The following C12orf56 variants were observed in gnomAD, a reference collection of about 807,000 sequenced individuals.
C12orf56 encodes chromosome 12 open reading frame 56.
In C12orf56, 71 loss-of-function variants were observed where a neutral mutation model predicts 69.9. The ratio of observed to expected loss-of-function variants is 1.02; its 90% CI spans 0.84 to 1.24. C12orf56 has a LOEUF of 1.24. Among genes scored for constraint, C12orf56 ranks in the 50% most tolerant of loss-of-function variants. The probability of loss-of-function intolerance (pLI) is 0.00; values close to 1 mark genes in which losing one functional copy is unlikely to be tolerated. For synonymous variants in C12orf56, 276 were observed against 274.1 expected (o/e 1.01, Z -0.07); for missense variants, 732 against 738.5 (o/e 0.99, Z 0.10).
intron 1 of C12orf56, among the ~76,000 whole-genome samples, chr12:64,372,886 T>G (rs543650209): frequency 1.3e-5 from 2 of 152,278 alleles, no homozygotes; most frequent in South Asian, 2.1e-4. Flanking sequence ...TTTTCCCTCC[T>G]TTTGGAACAC....
At chr12:64,273,044 T>C (rs1172804806) in intron 11 of C12orf56, among the ~76,000 whole-genome samples, 1 of 152,096 alleles carries the variant, frequency 6.6e-6, no homozygotes, top group Non-Finnish European at 1.5e-5. Context: ...ATGCCTGTAA[T>C]AGCAATTTGG....
chr12:64,309,655 C>T (rs1001722443), intron 5 of C12orf56, among the ~76,000 whole-genome samples: 1 of 152,120 alleles, frequency 6.6e-6, no homozygotes, highest in Non-Finnish European at 1.5e-5. Flanking sequence ...GGATTACAGG[C>T]ATGTGCCACC....
chr12:64,375,923 C>A (rs774242341), intron 1 of C12orf56, among the ~76,000 whole-genome samples: 1 of 152,148 alleles, frequency 6.6e-6, no homozygotes, highest in Non-Finnish European at 1.5e-5. Flanking sequence ...AGCTCCAAAG[C>A]ATTTCCCAAA....
chr12:64,311,622 G>A (rs548100303), intron 5 of C12orf56, among the ~76,000 whole-genome samples: 2 of 152,270 alleles, frequency 1.3e-5, no homozygotes, highest in East Asian at 3.9e-4. Context: ...GGCCCCAGAG[G>A]GAAGAGAACA....
In C12orf56 at chr12:64,362,927, TAGC is replaced by T. The variant is rs568522794; in HGVS notation, c.253-9874_253-9872del. Among the ~76,000 whole-genome samples, 359 of 152,270 alleles carry T rather than the reference TAGC, an allele frequency of 2.4e-3. 2 individuals are homozygous for T. Among genetic ancestry groups the T allele is most frequent in the African/African-American group, 7.9e-3 (330 of 41,558 alleles). ...AAACTGACATGTCACTGGTGGAGTG[TAGC>T]AGTGAGGACAACCAGAGGTCACCTC... On this transcript the variant is annotated intron_variant, in intron 1 of 12. Transcript: ENST00000543942.
intron 1 of C12orf56, among the ~76,000 whole-genome samples, chr12:64,372,478 T>G (rs1365064076): frequency 6.6e-6 from 1 of 152,188 alleles, no homozygotes; most frequent in Admixed American, 6.6e-5. Context: ...TGGTTTGAAT[T>G]TAATGATCTT....
Position 64,267,092 on chromosome 12 carries a change from T to G in C12orf56, c.*91A>C. Reference sequence around the variant, plus strand: ...ATAGGACTCAGAGATAGCCAGATATTAAACAAATAAAAAAATGTTTCTCGT... The same window carrying G: ...ATAGGACTCAGAGATAGCCAGATATGAAACAAATAAAAAAATGTTTCTCGT... On this transcript the variant is annotated 3_prime_UTR_variant, in exon 13 of 13. Transcript: ENST00000543942. The G allele has an allele frequency of 1.0e-6, 1 of 955,912 alleles. No homozygotes were observed. The highest frequency in any genetic ancestry group is 1.5e-6 in the Non-Finnish European group (1 of 645,370). 59.2% of individuals were successfully genotyped at this position (955,912 alleles called of 1,614,324 possible).
intron 1 of C12orf56, among the ~76,000 whole-genome samples, chr12:64,365,073 T>A (rs929981093): frequency 6.6e-6 from 1 of 152,080 alleles, no homozygotes; most frequent in Non-Finnish European, 1.5e-5. Flanking sequence ...CTAACATTCA[T>A]TGAACACTCA....
chr12:64,368,187 C>T (rs1355184832), intron 1 of C12orf56, among the ~76,000 whole-genome samples: 1 of 152,052 alleles, frequency 6.6e-6, no homozygotes, highest in Admixed American at 6.6e-5. Context: ...ACTGCAGCCT[C>T]AACCTGCTTG....
rs780084308 is a variant in C12orf56, at chr12:64,390,355, G to C, written c.211C>G (p.Arg71Gly). The C allele has an allele frequency of 1.2e-6, 2 of 1,612,614 alleles. No homozygotes were observed. Among genetic ancestry groups the C allele is most frequent in the South Asian group, 2.2e-5 (2 of 91,046 alleles). Residue 71 changes from arginine to glycine, a missense_variant, in exon 1 of 13, where the codon CGG (arginine) becomes GGG (glycine). Arg to Gly is a moderately radical substitution (Grantham distance 125). Transcript: ENST00000543942. The part of the protein sequence containing the change: ...YLTENPPKSI[R>G]RVVALRDVVA... ...ACGTCCCGCAGAGCCACTACCCGCC[G>C]GATGGACTTGGGCGGGTTCTCGGTT...
chr12:64,331,172 G>T, intron 2 of C12orf56, 140 bp from the exon 3 acceptor site: 1 of 691,084 alleles, frequency 1.4e-6, no homozygotes, highest in Non-Finnish European at 2.3e-6. Flanking sequence ...AAGCTGGGTA[G>T]CACGATGGAG....
chr12:64,359,958 G>A (rs557474966), intron 1 of C12orf56, among the ~76,000 whole-genome samples: 14 of 151,760 alleles, frequency 9.2e-5, no homozygotes, highest in African/African-American at 2.4e-4. Flanking sequence ...TAAGTGATCC[G>A]CCCACCTTGG....
chr12:64,381,986 G>A (rs1207716530), intron 1 of C12orf56, among the ~76,000 whole-genome samples: 1 of 152,140 alleles, frequency 6.6e-6, no homozygotes, highest in Non-Finnish European at 1.5e-5. Context: ...ACTCAGCAGG[G>A]CGCGGTGGCT....
chr12:64,282,583 G>A (rs2038143681), intron 8 of C12orf56, among the ~76,000 whole-genome samples: 1 of 151,716 alleles, frequency 6.6e-6, no homozygotes, highest in African/African-American at 2.4e-5. Flanking sequence ...AGACCAGCCT[G>A]GACAACATGG....
intron 1 of C12orf56, among the ~76,000 whole-genome samples, chr12:64,375,664 T>C (rs1198551090): frequency 6.6e-6 from 1 of 152,098 alleles, no homozygotes; most frequent in Non-Finnish European, 1.5e-5. Context: ...CACAAAAAGT[T>C]TTGGAAGAAC....
At chr12:64,349,155 C>T (rs1023501904) in intron 2 of C12orf56, among the ~76,000 whole-genome samples, 2 of 152,010 alleles carry the variant, frequency 1.3e-5, no homozygotes, top group Admixed American at 6.6e-5. Flanking sequence ...GAATCTACTA[C>T]GAACTCAAAT....
intron 2 of C12orf56, among the ~76,000 whole-genome samples, chr12:64,341,090 G>A (rs371731091): frequency 2.4e-4 from 36 of 152,130 alleles, no homozygotes; most frequent in African/African-American, 8.0e-4. Flanking sequence ...TACCTTCTTG[G>A]CCTGTTGACT....
intron 5 of C12orf56, among the ~76,000 whole-genome samples, chr12:64,310,210 T>C (rs1333690307): frequency 6.6e-6 from 1 of 151,872 alleles, no homozygotes; most frequent in Non-Finnish European, 1.5e-5. Context: ...TCTCACTATG[T>C]TGCCTAGGCT....
intron 2 of C12orf56, among the ~76,000 whole-genome samples, chr12:64,351,804 G>A (rs2039225337): frequency 2.0e-5 from 3 of 151,608 alleles, no homozygotes; most frequent in Non-Finnish European, 4.4e-5. Context: ...TATTAACAGA[G>A]GAGTAGCCAT....
Sources: allele counts gnomAD v4.1 joint callset (sites outside exome capture counted in the v4.1 genomes callset), GRCh38; gene constraint gnomAD v4.1.1; transcripts MANE v1.5; gene names NCBI Gene and HGNC (gene_info 2026-07-23, HGNC 2026-07-21).